GRID2IP: variants seen among roughly 807,000 people sequenced by gnomAD.
GRID2IP encodes Grid2 interacting protein, also known as delphilin.
A neutral mutation model predicts 114.3 loss-of-function variants in GRID2IP; 78 were observed. The ratio of observed to expected loss-of-function variants is 0.68; its 90% CI spans 0.57 to 0.82. The LOEUF (loss-of-function observed/expected upper bound fraction) is 0.82. GRID2IP is among the 40% of genes least tolerant of loss of function. The probability of loss-of-function intolerance (pLI) is 0.00; values close to 1 mark genes in which losing one functional copy is unlikely to be tolerated. For synonymous variants in GRID2IP, 809 were observed against 724.0 expected (o/e 1.12, Z -1.89); for missense variants, 1,727 against 1,678.5 (o/e 1.03, Z -0.51).
rs1583340254 is a variant in GRID2IP, at chr7:6,513,946, T to C, written c.1423+429A>G. On this transcript the variant is annotated intron_variant, in intron 8 of 21. Coordinates refer to ENST00000457091, the MANE Select transcript of GRID2IP (RefSeq NM_001145118.2). ...CTGGGCGACAGAGCAAGACTCCGTC[T>C]CAAAAAAAAAAAAAAAAAAAAAAAA... 9.9e-5 allele frequency among the ~76,000 whole-genome samples: 4 copies of C among 40,366 alleles called. No homozygotes were observed. The South Asian group carries it at 2.3e-3, about 23-fold the overall frequency. 26.5% of individuals were successfully genotyped at this position (40,366 alleles called of 152,430 possible). A position where few individuals can be genotyped will look rare whatever the true frequency, so the allele number is the denominator to read the frequency against.
intron 7 of GRID2IP, among the ~76,000 whole-genome samples, chr7:6,517,160 T>C (rs909463813): frequency 4.6e-5 from 7 of 151,686 alleles, no homozygotes; most frequent in Non-Finnish European, 1.0e-4. Flanking sequence ...GTTCACACCA[T>C]TCTCCTGCCT....
intron 2 of GRID2IP, among the ~76,000 whole-genome samples, chr7:6,538,834 A>G (rs1200005414): frequency 6.6e-6 from 1 of 152,132 alleles, no homozygotes; most frequent in East Asian, 1.9e-4. Context: ...AGATCACGCC[A>G]CTGCACTCCA....
At position 6,514,393 on chromosome 7, in the gene GRID2IP, C is replaced by T; in HGVS notation, c.1405G>A (p.Gly469Ser). The T allele has an allele frequency of 1.3e-6, 2 of 1,535,570 alleles. No homozygotes were observed. Among genetic ancestry groups the T allele is most frequent in the Non-Finnish European group, 1.8e-6 (2 of 1,137,130 alleles). ...CGCTTACCTGTCATGGCCGTGTAGC[C>T]CAGGAAGCATGCGATTTTCTCCTGA... ...LCQEKIACFLGYTAMTAEPEP... is the reference protein window; with the variant it reads ...LCQEKIACFLSYTAMTAEPEP... The change falls in exon 8 of 22, where the codon GGC becomes AGC. Residue 469 changes from glycine to serine, a missense_variant. Gly to Ser is a moderately conservative substitution (Grantham distance 56). Coordinates refer to ENST00000457091, the MANE Select transcript of GRID2IP (RefSeq NM_001145118.2).
intron 7 of GRID2IP, among the ~76,000 whole-genome samples, chr7:6,518,233 A>G (rs754984421): frequency 5.9e-5 from 9 of 152,216 alleles, no homozygotes; most frequent in Admixed American, 1.3e-4. Context: ...CTGTCTCAGA[A>G]AATAAATAAA....
At position 6,521,576 on chromosome 7, in the gene GRID2IP, G is replaced by A. The variant is rs903428644; in HGVS notation, c.990-53C>T. Reference sequence around the variant, plus strand: ...CCTGACTGGGGTGAGCCCTGTCCACGGCCACCAGCCAGACCTCCCTGTCCT... The same window carrying A: ...CCTGACTGGGGTGAGCCCTGTCCACAGCCACCAGCCAGACCTCCCTGTCCT... On this transcript the variant is annotated intron_variant, in intron 5 of 21. Transcript: ENST00000457091. The surrounding 1 kb of genome is among the most constrained non-coding windows in gnomAD (Gnocchi z 4.1). The A allele has an allele frequency of 8.7e-5, 118 of 1,350,282 alleles. No individual in the cohort carries two copies. The South Asian group carries it at 1.2e-3, about 13-fold the overall frequency. The allele number at this position is 1,350,282 out of a possible 1,614,324, so 83.6% of individuals were successfully genotyped here. A position where few individuals can be genotyped will look rare whatever the true frequency, so the allele number is the denominator to read the frequency against.
At chr7:6,537,370 C>CTTTTTTTT (rs772469574) in intron 2 of GRID2IP, among the ~76,000 whole-genome samples, 2 of 58,356 alleles carry the variant, frequency 3.4e-5, no homozygotes, top group Non-Finnish European at 6.1e-5. Flanking sequence ...ATGGTGAGAC[C>CTTTTTTTT]TTTTTTTTTT....
At position 6,503,079 on chromosome 7, in the gene GRID2IP, C is replaced by T. The variant is rs748523272; in HGVS notation, c.2992G>A (p.Gly998Ser). Reference protein sequence around the residue: ...TLQEKTEEIRGSLECLRQASL... With the variant: ...TLQEKTEEIRSSLECLRQASL... ...GCCTGGCGCAAGCATTCAAGGCTGC[C>T]TCGGATCTCCTCTGTCTTCTCCTGG... is the stretch of plus-strand genomic sequence containing the variant. The change falls in exon 17 of 22, where the codon GGC (glycine) becomes AGC (serine). Residue 998 changes from glycine to serine, a missense_variant. Coordinates refer to ENST00000457091, the MANE Select transcript of GRID2IP (RefSeq NM_001145118.2). 6.4e-7 allele frequency: 1 copy of T among 1,551,500 alleles called. No homozygotes were observed. Among genetic ancestry groups the T allele is most frequent in the South Asian group, 1.2e-5 (1 of 84,064 alleles).
chr7:6,503,390 T>C, intron 16 of GRID2IP, 101 bp downstream of exon 16: 1 of 1,217,090 alleles, frequency 8.2e-7, no homozygotes, highest in Non-Finnish European at 1.1e-6. Flanking sequence ...TTGGGCGCAA[T>C]GGCGGCCCCC....
chr7:6,522,453 G>A (rs1317609994), intron 4 of GRID2IP, among the ~76,000 whole-genome samples: 2 of 152,032 alleles, frequency 1.3e-5, no homozygotes, highest in African/African-American at 4.8e-5. Context: ...GAAAGGTCCT[G>A]TCAGGGTCTG....
At chr7:6,502,644 A>T in intron 18 of GRID2IP, 142 bp downstream of exon 18, 1 of 442,716 alleles carries the variant, frequency 2.3e-6, no homozygotes, top group East Asian at 7.5e-5. Flanking sequence ...CCTGGCTTCA[A>T]TGTGGCCCTT....
rs1168993842 is a variant in GRID2IP at position 6,526,247 on chromosome 7, A to G, written c.896T>C (p.Val299Ala). The change falls in exon 4 of 22, where the codon GTC becomes GCC. Residue 299 changes from valine (V) to alanine (A), a missense_variant. Coordinates refer to ENST00000457091, the MANE Select transcript of GRID2IP (RefSeq NM_001145118.2). The surrounding 1 kb of genome is among the most constrained non-coding windows in gnomAD (Gnocchi z 7.6). Reference protein sequence around the residue: ...FGFTLRGHGPVWIESVLPGSP... With the variant: ...FGFTLRGHGPAWIESVLPGSP... ...ACCAGGCAGGACAGACTCGATCCAG[A>G]CAGGCCCGTGGCCGCGAAGTGTGAA... 1 of 1,551,912 alleles carries G rather than the reference A, an allele frequency of 6.4e-7. No homozygotes were observed. The highest frequency in any genetic ancestry group is 1.2e-5 in the South Asian group (1 of 84,056).
chr7:6,510,675 G>C lies in GRID2IP; in HGVS notation c.1587C>G (p.Pro529=), dbSNP rs1433633756. The change falls in exon 10 of 22, where the codon CCC becomes CCG. Residue 529 remains proline, a synonymous_variant. Coordinates refer to ENST00000457091, the MANE Select transcript of GRID2IP (RefSeq NM_001145118.2). ...GPSECPEMPL[P]LIPGERQAGD... ...CTGCCTGGCGCTCGCCTGGGATCAG[G>C]GGAAGAGGCATCTCAGGGCACTCGC... 5.2e-6 allele frequency: 8 copies of C among 1,546,636 alleles called. No homozygotes were observed. In the Admixed American group the frequency reaches 1.6e-4, roughly 31 times the overall value.
In GRID2IP at chr7:6,509,179, T is replaced by G. The variant is rs1786688602; in HGVS notation, c.1906A>C (p.Ser636Arg). 1 of 1,476,300 alleles carries G rather than the reference T, an allele frequency of 6.8e-7. No homozygotes were observed. Among genetic ancestry groups the G allele is most frequent in the South Asian group, 1.4e-5 (1 of 73,470 alleles). 91.5% of individuals were successfully genotyped at this position (1,476,300 alleles called of 1,614,324 possible). The change falls in exon 12 of 22, where the codon AGC becomes CGC. Residue 636 changes from serine to arginine, a missense_variant. Transcript: ENST00000457091. This position sits in a 1 kb window ranked among gnomAD's most constrained non-coding sequence, Gnocchi z 4.9. ...CCTGGCTGTGGGGAGGGTGCCCTGC[T>G]GCTGTCCAGGCTGGCGTAGGGGTGG... ...ESHPYASLDSSRAPSPQPGPG... is the reference protein window; with the variant it reads ...ESHPYASLDSRRAPSPQPGPG...
chr7:6,503,704 G>GT lies in GRID2IP; in HGVS notation c.2711-18_2711-17insA. 6.8e-6 allele frequency: 10 copies of GT among 1,462,072 alleles called. No homozygotes were observed. Among genetic ancestry groups the GT allele is most frequent in the Non-Finnish European group, 9.0e-6 (10 of 1,113,112 alleles). The allele number at this position is 1,462,072 out of a possible 1,614,324, so 90.6% of individuals were successfully genotyped here. A position where few individuals can be genotyped will look rare whatever the true frequency, so the allele number is the denominator to read the frequency against. Reference sequence around the variant, plus strand: ...AGAGGATGGCTGCGGGCGGGGCGGGGCGGTGAGCTGGGCGGGGCCGGAGCG... The same window carrying GT: ...AGAGGATGGCTGCGGGCGGGGCGGGGTCGGTGAGCTGGGCGGGGCCGGAGCG... On this transcript the variant is annotated splice_polypyrimidine_tract_variant and intron_variant, in intron 15 of 21. Coordinates refer to ENST00000457091, the MANE Select transcript of GRID2IP (RefSeq NM_001145118.2).
At chr7:6,505,714 G>A (rs958859940) in intron 14 of GRID2IP, 106 bp downstream of exon 14, 7 of 705,624 alleles carry the variant, frequency 9.9e-6, no homozygotes, top group African/African-American at 3.6e-5. Flanking sequence ...GCTTGAGGAC[G>A]CATCAGGTTA....
rs1035030201 is a variant in GRID2IP, at chr7:6,535,000, C to G, written c.584+4718G>C. Among the ~76,000 whole-genome samples the G allele has an allele frequency of 1.2e-4, 19 of 152,242 alleles. No homozygotes were observed. The highest frequency in any genetic ancestry group is 2.2e-4 in the Non-Finnish European group (15 of 68,046). Reference sequence around the variant, plus strand: ...TCCCAGGTTCAAGCGATGCTCCTGCCTCAGCCTCCCGAGTAGCTGGGATTA... The same window carrying G: ...TCCCAGGTTCAAGCGATGCTCCTGCGTCAGCCTCCCGAGTAGCTGGGATTA... On this transcript the variant is annotated intron_variant, in intron 2 of 21. Coordinates refer to ENST00000457091, the MANE Select transcript of GRID2IP (RefSeq NM_001145118.2). This position sits in a 1 kb window ranked among gnomAD's most constrained non-coding sequence, Gnocchi z 4.5.
At chr7:6,513,889 G>C (rs191326352) in intron 8 of GRID2IP, among the ~76,000 whole-genome samples, 1 of 147,618 alleles carries the variant, frequency 6.8e-6, no homozygotes, top group African/African-American at 2.5e-5. Flanking sequence ...TTGAGGCTGC[G>C]GTGAGCCATG....
At chr7:6,515,957 C>T (rs535133602) in intron 7 of GRID2IP, among the ~76,000 whole-genome samples, 4 of 151,628 alleles carry the variant, frequency 2.6e-5, no homozygotes, top group East Asian at 3.9e-4. Flanking sequence ...ATCAGCCAGG[C>T]GTGGTGGTGT....
intron 8 of GRID2IP, among the ~76,000 whole-genome samples, chr7:6,512,572 G>A (rs11764642): frequency 0.37 from 56,415 of 150,800 alleles, 12,043 homozygotes; most frequent in Non-Finnish European, 0.5. Context: ...GTGTAGTGGT[G>A]CGATCTCAGC....
Sources: allele counts gnomAD v4.1 joint callset (sites outside exome capture counted in the v4.1 genomes callset), GRCh38; gene constraint gnomAD v4.1.1; non-coding constraint Gnocchi (gnomAD v3.1); transcripts MANE v1.5; gene names NCBI Gene and HGNC (gene_info 2026-07-23, HGNC 2026-07-21).